The following ADAM19 variants were observed in gnomAD, a reference collection of about 807,000 sequenced individuals.
ADAM19 encodes ADAM metallopeptidase domain 19.
In ADAM19, 65 loss-of-function variants were observed where a neutral mutation model predicts 114.7. The ratio of observed to expected loss-of-function variants is 0.57; its 90% CI spans 0.46 to 0.70. The LOEUF (loss-of-function observed/expected upper bound fraction) is 0.70. ADAM19 is among the 30% of genes least tolerant of loss of function. The pLI, the probability that ADAM19 is intolerant of heterozygous loss-of-function variation, is 0.00. For synonymous variants in ADAM19, 466 were observed against 460.5 expected, an observed-to-expected ratio of 1.01 and a Z score of -0.15; for missense variants, 1,063 against 1,204.7, an observed-to-expected ratio of 0.88 and a Z score of 1.74.
At chr5:157,499,739 C>T (rs1021271489) in intron 12 of ADAM19, 77 bp from the exon 13 acceptor site, 31 of 935,262 alleles carry the variant, frequency 3.3e-5, no homozygotes, top group Non-Finnish European at 4.7e-5. Context: ...CTTGCCCACA[C>T]ACCCCTGGAA....
At chr5:157,500,975 ACCTG>A (rs1328627448) in intron 12 of ADAM19, among the ~76,000 whole-genome samples, 1 of 152,102 alleles carries the variant, frequency 6.6e-6, no homozygotes, top group Non-Finnish European at 1.5e-5. Context: ...CGAGGGACAC[ACCTG>A]CTGAATTCAA....
chr5:157,481,879 C>T lies in ADAM19; in HGVS notation c.2615G>A (p.Ser872Asn). The T allele has an allele frequency of 1.3e-6, 2 of 1,599,462 alleles. No homozygotes were observed. The highest frequency in any genetic ancestry group is 2.3e-5 in the South Asian group (2 of 88,244). The change falls in exon 22 of 23, where the codon AGC becomes AAC. Residue 872 changes from serine to asparagine, a missense_variant. Transcript: ENST00000257527. Reference protein sequence around the residue: ...LPANPVPGRRSLPRPGGASPL... With the variant: ...LPANPVPGRRNLPRPGGASPL... ...GGATGCACCTCCTGGCCTGGGGAGG[C>T]TCCTGCGGCCTGGCACTGGGTTTGC...
At chr5:157,512,306 T>G (rs1013010343) in intron 8 of ADAM19, among the ~76,000 whole-genome samples, 2 of 152,196 alleles carry the variant, frequency 1.3e-5, no homozygotes, top group African/African-American at 2.4e-5. Flanking sequence ...ACTAATACAT[T>G]TGCCTATTAA....
At chr5:157,550,772 A>T in intron 3 of ADAM19, among the ~76,000 whole-genome samples, 1 of 152,118 alleles carries the variant, frequency 6.6e-6, no homozygotes, top group Admixed American at 6.5e-5. Flanking sequence ...TTGGGAAAAC[A>T]GGATCTCTCA....
intron 19 of ADAM19, 55 bp from the exon 20 acceptor site, chr5:157,489,241 A>G: frequency 7.7e-7 from 1 of 1,295,698 alleles, no homozygotes; most frequent in Non-Finnish European, 1.1e-6. Context: ...AGCAGGGGAC[A>G]GTGCCTGAGT....
intron 3 of ADAM19, among the ~76,000 whole-genome samples, chr5:157,558,527 G>A (rs1757424376): frequency 6.6e-6 from 1 of 152,154 alleles, no homozygotes. Context: ...AAGAGCATTG[G>A]GATACCATCT....
At chr5:157,536,647 A>G (rs556446298) in intron 4 of ADAM19, among the ~76,000 whole-genome samples, 1 of 150,972 alleles carries the variant, frequency 6.6e-6, no homozygotes, top group South Asian at 2.1e-4. Flanking sequence ...CACACACAAA[A>G]TTACCTGTCC....
In ADAM19 at chr5:157,526,405, T is replaced by A. The variant is rs10070235; in HGVS notation, c.407+4402A>T. On this transcript the variant is annotated intron_variant, in intron 5 of 22. Coordinates refer to ENST00000257527, the MANE Select transcript of ADAM19 (RefSeq NM_033274.5). The stretch of plus-strand genomic sequence containing the variant: ...AATGATAATTTTTAACAAAAAAAAA[T>A]TTTTAAAAAAGTAAACAACTTACCA... Among the ~76,000 whole-genome samples, 787 of 152,116 alleles carry A rather than the reference T, an allele frequency of 5.2e-3. 8 individuals are homozygous for A. Among genetic ancestry groups the A allele is most frequent in the African/African-American group, 0.018 (729 of 41,472 alleles).
At chr5:157,503,620 G>C (rs186166326) in intron 11 of ADAM19, among the ~76,000 whole-genome samples, 1 of 152,326 alleles carries the variant, frequency 6.6e-6, no homozygotes, top group East Asian at 1.9e-4. Context: ...CATTGCATGA[G>C]GGGGCTGCGA....
At chr5:157,559,711 T>C (rs943947891) in intron 3 of ADAM19, among the ~76,000 whole-genome samples, 11 of 152,160 alleles carry the variant, frequency 7.2e-5, no homozygotes, top group African/African-American at 2.4e-4. Flanking sequence ...AGAAAAAATA[T>C]GGATTAATGC....
intron 5 of ADAM19, among the ~76,000 whole-genome samples, chr5:157,524,023 T>TCACG (rs756235431): frequency 6.6e-6 from 1 of 152,246 alleles, no homozygotes; most frequent in Non-Finnish European, 1.5e-5. Flanking sequence ...TTTGCCCATG[T>TCACG]CACGACTGCA....
At position 157,488,476 on chromosome 5, in the gene ADAM19, G is replaced by C. The variant is rs755386906; in HGVS notation, c.2339C>G (p.Pro780Arg). The C allele has an allele frequency of 6.2e-7, 1 of 1,603,004 alleles. No homozygotes were observed. Among genetic ancestry groups the C allele is most frequent in the Non-Finnish European group, 8.5e-7 (1 of 1,173,888 alleles). The stretch of plus-strand genomic sequence containing the variant: ...CTGGGAGGGCTTCCGCAGGATTTCC[G>C]GAGTGTTGATCACCTGTACGCACAA... Reference protein sequence around the residue: ...PQGKRKVINTPEILRKPSQPP... With the variant: ...PQGKRKVINTREILRKPSQPP... The change falls in exon 21 of 23, where the codon CCG becomes CGG. Residue 780 changes from proline to arginine, a missense_variant. Pro to Arg is a moderately radical substitution (Grantham distance 103). Transcript: ENST00000257527.
chr5:157,569,948 C>T (rs913557314), intron 2 of ADAM19, among the ~76,000 whole-genome samples: 10 of 152,198 alleles, frequency 6.6e-5, no homozygotes, highest in African/African-American at 1.4e-4. Flanking sequence ...TGCTCTTTCA[C>T]GTCTCACTTG....
At chr5:157,517,625 C>T (rs911474443) in intron 7 of ADAM19, among the ~76,000 whole-genome samples, 6 of 152,200 alleles carry the variant, frequency 3.9e-5, no homozygotes, top group African/African-American at 1.4e-4. Flanking sequence ...GTGCTTATCA[C>T]ACTTTGGACC....
At chr5:157,488,543 TTG>T (rs753582416) in intron 20 of ADAM19, 54 bp from the exon 21 acceptor site, 4 of 1,404,662 alleles carry the variant, frequency 2.8e-6, no homozygotes, top group Non-Finnish European at 3.9e-6. Flanking sequence ...AGGGCTGGCC[TTG>T]TGTGTCTCTT....
At position 157,478,827 on chromosome 5, in the gene ADAM19, G is replaced by A. The variant is rs2113677636; in HGVS notation, c.*2122C>T. On this transcript the variant is annotated 3_prime_UTR_variant, in exon 23 of 23. Transcript: ENST00000257527. ...GGTCTCTTTCTGGTGTGGTTCCAGG[G>A]AGGGTGGACTGCAGGTTCAGATGGC... 1 of 985,884 alleles carries A rather than the reference G, an allele frequency of 1.0e-6. No homozygotes were observed. Among genetic ancestry groups the A allele is most frequent in the South Asian group, 4.7e-5 (1 of 21,286 alleles). The allele number at this position is 985,884 out of a possible 1,614,324, so 61.1% of individuals were successfully genotyped here.
intron 1 of ADAM19, 43 bp from the exon 2 acceptor site, chr5:157,571,023 A>T (rs1757806411): frequency 6.4e-7 from 1 of 1,565,848 alleles, no homozygotes; most frequent in African/African-American, 1.4e-5. Context: ...CCAGACCTCT[A>T]TACCCCAGCT....
chr5:157,552,736 T>TGTG (rs923826288), intron 3 of ADAM19, among the ~76,000 whole-genome samples: 4 of 150,600 alleles, frequency 2.7e-5, no homozygotes, highest in African/African-American at 9.8e-5. Context: ...CCTGTGCTCC[T>TGTG]GTGTTTGTTG....
At chr5:157,506,490 CCT>C (rs1465442113) in intron 10 of ADAM19, among the ~76,000 whole-genome samples, 2 of 152,170 alleles carry the variant, frequency 1.3e-5, no homozygotes, top group East Asian at 3.8e-4. Context: ...AGGCTCAGAC[CCT>C]AGAGCCTGTG....
Sources: allele counts gnomAD v4.1 joint callset (sites outside exome capture counted in the v4.1 genomes callset), GRCh38; gene constraint gnomAD v4.1.1; transcripts MANE v1.5; gene names NCBI Gene and HGNC (gene_info 2026-07-23, HGNC 2026-07-21).